The following SCAPER variants were observed in gnomAD, a reference collection of about 807,000 sequenced individuals.
SCAPER encodes S-phase cyclin A associated protein in the ER, also known as S phase cyclin A-associated protein in the endoplasmic reticulum.
A neutral mutation model predicts 182.2 loss-of-function variants in SCAPER; 98 were observed. The ratio of observed to expected loss-of-function variants is 0.54; its 90% CI spans 0.46 to 0.64. The LOEUF is 0.64. Ranked by LOEUF, SCAPER falls within the 30% of genes least tolerant of loss-of-function variation. The probability of loss-of-function intolerance (pLI) is 0.00; values close to 1 mark genes in which losing one functional copy is unlikely to be tolerated. For missense variants in SCAPER, 1,432 were observed against 1,690.0 expected, an observed-to-expected ratio of 0.85 and a Z score of 2.68; for synonymous variants, 605 against 564.6, an observed-to-expected ratio of 1.07 and a Z score of -1.01.
Position 76,893,703 on chromosome 15 carries a change from T to C in SCAPER, c.-59-9827A>G, listed in dbSNP as rs7171966. On this transcript the variant is annotated intron_variant, in intron 1 of 31. Coordinates refer to ENST00000563290, the MANE Select transcript of SCAPER (RefSeq NM_020843.4). ...AAGTCTTAACAAATCCAAGAAGATT[T>C]AAATGATATCAAGTATCTTTTCTGA... 8.7e-3 allele frequency among the ~76,000 whole-genome samples: 1,331 copies of C among 152,338 alleles called. 17 individuals are homozygous for C. The highest frequency in any genetic ancestry group is 0.03 in the African/African-American group (1,260 of 41,580).
At chr15:76,752,770 C>T (rs2062170800) in intron 15 of SCAPER, among the ~76,000 whole-genome samples, 1 of 151,284 alleles carries the variant, frequency 6.6e-6, no homozygotes, top group East Asian at 1.9e-4. Flanking sequence ...TTCAGTTTTA[C>T]AAGATGAAAA....
chr15:76,354,211 T>A lies in SCAPER; in HGVS notation c.3856-71A>T, dbSNP rs554253350. On this transcript the variant is annotated intron_variant, in intron 29 of 31. Transcript: ENST00000563290. The surrounding 1 kb of genome is among the most constrained non-coding windows in gnomAD (Gnocchi z 4.4). ...CTGTCCCTCACCCACCTGCACAGTG[T>A]CGGCTAGTACCATGGAAAACATGCT... 3.5e-6 allele frequency: 5 copies of A among 1,428,424 alleles called. No individual in the cohort carries two copies. The highest frequency in any genetic ancestry group is 2.5e-5 in the Admixed American group (1 of 40,480). 88.5% of individuals were successfully genotyped at this position (1,428,424 alleles called of 1,614,324 possible).
chr15:76,497,916 C>T (rs906475407), intron 24 of SCAPER, among the ~76,000 whole-genome samples: 2 of 129,000 alleles, frequency 1.6e-5, no homozygotes, highest in South Asian at 2.6e-4. Flanking sequence ...GCTTGAACCT[C>T]GGAAACAGAG....
chr15:76,454,439 T>C (rs1162815001), intron 25 of SCAPER, among the ~76,000 whole-genome samples: 1 of 152,170 alleles, frequency 6.6e-6, no homozygotes. Context: ...TATTTTTGGC[T>C]CTTCTACTAT....
At chr15:76,691,582 T>C (rs1457197734) in intron 20 of SCAPER, among the ~76,000 whole-genome samples, 1 of 152,094 alleles carries the variant, frequency 6.6e-6, no homozygotes, top group Non-Finnish European at 1.5e-5. Flanking sequence ...TAGAGAATAA[T>C]ATCTAATCAA....
intron 23 of SCAPER, among the ~76,000 whole-genome samples, chr15:76,505,630 T>C (rs939580643): frequency 2.0e-5 from 3 of 152,164 alleles, no homozygotes; most frequent in Admixed American, 6.5e-5. Flanking sequence ...GGAACTCTCA[T>C]ACACTGTTCG....
At chr15:76,733,756 A>AAAAGAAAG (rs559159624) in intron 15 of SCAPER, among the ~76,000 whole-genome samples, 10 of 152,152 alleles carry the variant, frequency 6.6e-5, no homozygotes, top group African/African-American at 1.9e-4. Context: ...TCCATATCAA[A>AAAAGAAAG]AAAGAAAGAA....
chr15:76,353,912 C>T, intron 30 of SCAPER, 37 bp downstream of exon 30: 3 of 1,463,878 alleles, frequency 2.0e-6, no homozygotes, highest in South Asian at 1.5e-5. Context: ...TTAGTTTACA[C>T]ACAAAGCTAG....
intron 25 of SCAPER, 76 bp from the exon 26 acceptor site, chr15:76,434,386 C>A: frequency 1.9e-6 from 2 of 1,026,354 alleles, no homozygotes; most frequent in Non-Finnish European, 2.9e-6. Context: ...TAGAACATTT[C>A]TGGAATCATA....
At chr15:76,518,256 C>T (rs1873814997) in intron 23 of SCAPER, among the ~76,000 whole-genome samples, 1 of 152,244 alleles carries the variant, frequency 6.6e-6, no homozygotes, top group South Asian at 2.1e-4. Flanking sequence ...CACCTTCCTT[C>T]CTGGATATCA....
At chr15:76,528,106 C>T (rs931352896) in intron 23 of SCAPER, among the ~76,000 whole-genome samples, 1 of 152,114 alleles carries the variant, frequency 6.6e-6, no homozygotes, top group Non-Finnish European at 1.5e-5. Flanking sequence ...GAAGCAAAAT[C>T]AAGGACTTTA....
At chr15:76,856,588 T>TG (rs1458620404) in intron 4 of SCAPER, among the ~76,000 whole-genome samples, 2 of 151,726 alleles carry the variant, frequency 1.3e-5, no homozygotes, top group Non-Finnish European at 2.9e-5. Flanking sequence ...TGTGTGGGGA[T>TG]GGGGGATTCT....
chr15:76,873,258 A>G (rs2072869582), intron 2 of SCAPER, among the ~76,000 whole-genome samples: 1 of 150,822 alleles, frequency 6.6e-6, no homozygotes, highest in African/African-American at 2.4e-5. Context: ...CTCCCGAAAA[A>G]GAAAAAAAGA....
chr15:76,445,617 G>A (rs965411736), intron 25 of SCAPER, among the ~76,000 whole-genome samples: 3 of 152,100 alleles, frequency 2.0e-5, no homozygotes, highest in African/African-American at 7.2e-5. Context: ...ACCTGGAGAT[G>A]GCATGTTACT....
At chr15:76,800,160 T>TTTTTTTTTTTTTTTTTTTTTTTGAG (rs1555610073) in intron 7 of SCAPER, 88 bp downstream of exon 7, 15 of 723,278 alleles carry the variant, frequency 2.1e-5, no homozygotes, top group South Asian at 5.1e-5. Context: ...TGGATATTTT[T>TTTTTTTTTTTTTTTTTTTTTTTGAG]ATAGTAGAAT....
intron 26 of SCAPER, among the ~76,000 whole-genome samples, chr15:76,428,024 T>TG (rs1163925189): frequency 1.3e-5 from 2 of 151,804 alleles, no homozygotes; most frequent in Admixed American, 1.3e-4. Context: ...TGCTTGACCC[T>TG]GGGGGGTTGA....
chr15:76,538,473 A>C lies in SCAPER; in HGVS notation c.2839-33499T>G, dbSNP rs1597274292. On this transcript the variant is annotated intron_variant, in intron 23 of 31. Coordinates refer to ENST00000563290, the MANE Select transcript of SCAPER (RefSeq NM_020843.4). ...CAGTAAACTATCGCAAGGACAAAAA[A>C]CCAAACACTGCATGTTCTCATTCAT... 2.0e-5 allele frequency among the ~76,000 whole-genome samples: 3 copies of C among 152,160 alleles called. No homozygotes were observed. The East Asian group carries it at 5.8e-4, about 29-fold the overall frequency.
intron 2 of SCAPER, among the ~76,000 whole-genome samples, chr15:76,872,910 A>C (rs1052196058): frequency 5.3e-5 from 8 of 152,192 alleles, no homozygotes; most frequent in Admixed American, 1.3e-4. Context: ...TACATTCTCC[A>C]GGAAGTGATA....
At chr15:76,441,647 T>C (rs541491836) in intron 25 of SCAPER, among the ~76,000 whole-genome samples, 1 of 152,344 alleles carries the variant, frequency 6.6e-6, no homozygotes, top group South Asian at 2.1e-4. Context: ...TCATGACTAA[T>C]TTCTCCACTT....
Sources: allele counts gnomAD v4.1 joint callset (sites outside exome capture counted in the v4.1 genomes callset), GRCh38; gene constraint gnomAD v4.1.1; non-coding constraint Gnocchi (gnomAD v3.1); transcripts MANE v1.5; gene names NCBI Gene and HGNC (gene_info 2026-07-23, HGNC 2026-07-21).